RALGAPA2: variants seen among roughly 807,000 people sequenced by gnomAD.
RALGAPA2 encodes the protein Ral GTPase activating protein catalytic subunit alpha 2.
RALGAPA2 carries 139 observed loss-of-function variants against 230.4 expected under a neutral mutation model. The observed-to-expected ratio is 0.60, with a 90% confidence interval of 0.53 to 0.69. The LOEUF (loss-of-function observed/expected upper bound fraction) is 0.69. RALGAPA2 is among the 30% of genes least tolerant of loss of function. RALGAPA2 has a pLI of 0.00. For missense variants in RALGAPA2, 2,163 were observed against 2,276.0 expected (o/e 0.95, Z 1.01); for synonymous variants, 847 against 837.8 (o/e 1.01, Z -0.19).
At chr20:20,614,796 G>C (rs1260202627) in intron 13 of RALGAPA2, among the ~76,000 whole-genome samples, 1 of 152,166 alleles carries the variant, frequency 6.6e-6, no homozygotes, top group African/African-American at 2.4e-5. Context: ...ACCAACTGCA[G>C]ACACTTTCCA....
rs1208034608 is a variant in RALGAPA2 at position 20,649,887 on chromosome 20, T to C, written c.328+3643A>G. Among the ~76,000 whole-genome samples, 5 of 152,218 alleles carry C rather than the reference T, an allele frequency of 3.3e-5. 1 individual carries two copies. Among genetic ancestry groups the C allele is most frequent in the Admixed American group, 3.3e-4 (5 of 15,282 alleles). On this transcript the variant is annotated intron_variant, in intron 4 of 39. Transcript: ENST00000202677. ...CTCACTCTCTATCAGTTCTAATTAT[T>C]GCCCAGAAATGAGATGTCAAGCAGT...
chr20:20,456,947 G>A (rs2061136339), intron 37 of RALGAPA2, among the ~76,000 whole-genome samples: 1 of 152,168 alleles, frequency 6.6e-6, no homozygotes, highest in Middle Eastern at 3.4e-3. Context: ...TGAGGAGCTG[G>A]AACTTGCAAC....
At chr20:20,585,457 A>T (rs1218202923) in intron 18 of RALGAPA2, among the ~76,000 whole-genome samples, 3 of 152,210 alleles carry the variant, frequency 2.0e-5, no homozygotes, top group African/African-American at 7.2e-5. Flanking sequence ...ATTAAAAAAA[A>T]ATCAGGAGGA....
chr20:20,413,302 C>G (rs1225976068), intron 37 of RALGAPA2, among the ~76,000 whole-genome samples: 1 of 152,228 alleles, frequency 6.6e-6, no homozygotes. Flanking sequence ...TTTCAATCAG[C>G]CTTCAAGACA....
At chr20:20,582,361 T>C (rs1004584171) in intron 20 of RALGAPA2, among the ~76,000 whole-genome samples, 20 of 151,984 alleles carry the variant, frequency 1.3e-4, no homozygotes, top group Middle Eastern at 3.2e-3. Context: ...AATAACTAGC[T>C]CAAGGCCACC....
intron 37 of RALGAPA2, among the ~76,000 whole-genome samples, chr20:20,465,652 T>C (rs2061405538): frequency 6.6e-6 from 1 of 152,156 alleles, no homozygotes; most frequent in South Asian, 2.1e-4. Flanking sequence ...AACAGTGAGA[T>C]GTCACTCTAT....
intron 15 of RALGAPA2, among the ~76,000 whole-genome samples, chr20:20,602,641 T>C (rs1394430277): frequency 6.6e-6 from 1 of 152,228 alleles, no homozygotes; most frequent in African/African-American, 2.4e-5. Context: ...AATATTTAAA[T>C]CCTTTTTAGA....
At chr20:20,546,885 C>T in intron 23 of RALGAPA2, 53 bp from the exon 24 acceptor site, 1 of 1,509,310 alleles carries the variant, frequency 6.6e-7, no homozygotes, top group Non-Finnish European at 8.9e-7. Flanking sequence ...CACAAAATTC[C>T]AAAGTAGTGT....
At chr20:20,516,538 C>T (rs1335704586) in intron 31 of RALGAPA2, among the ~76,000 whole-genome samples, 1 of 152,180 alleles carries the variant, frequency 6.6e-6, no homozygotes, top group Non-Finnish European at 1.5e-5. Context: ...AGGTCCTGAG[C>T]CTGTCGAAGT....
In RALGAPA2 at chr20:20,584,965, A is replaced by G; in HGVS notation, c.2440-10T>C. 3 of 1,596,888 alleles carry G rather than the reference A, an allele frequency of 1.9e-6. No homozygotes were observed. Among genetic ancestry groups the G allele is most frequent in the East Asian group, 2.2e-5 (1 of 44,548 alleles). On this transcript the variant is annotated splice_polypyrimidine_tract_variant and intron_variant, in intron 18 of 39. Coordinates refer to ENST00000202677, the MANE Select transcript of RALGAPA2 (RefSeq NM_020343.4). Reference sequence around the variant, plus strand: ...TTCTTCGAACTAAGATCTTCAGACAAAAAGAAATATTGCATTTACTACAGG... The same window carrying G: ...TTCTTCGAACTAAGATCTTCAGACAGAAAGAAATATTGCATTTACTACAGG...
At chr20:20,701,362 T>C (rs1318090498) in intron 1 of RALGAPA2, among the ~76,000 whole-genome samples, 1 of 152,114 alleles carries the variant, frequency 6.6e-6, no homozygotes, top group African/African-American at 2.4e-5. Context: ...CCAACAGAAA[T>C]CAAGATGAAA....
intron 20 of RALGAPA2, among the ~76,000 whole-genome samples, chr20:20,574,868 A>C (rs964801377): frequency 3.9e-5 from 6 of 152,162 alleles, no homozygotes; most frequent in African/African-American, 1.4e-4. Context: ...CACAAAGTTC[A>C]GTCTCTGTTC....
At chr20:20,646,131 T>C (rs2067208727) in intron 4 of RALGAPA2, among the ~76,000 whole-genome samples, 1 of 151,926 alleles carries the variant, frequency 6.6e-6, no homozygotes, top group Non-Finnish European at 1.5e-5. Context: ...CTCAGCTTAC[T>C]GCAACCTCCG....
intron 37 of RALGAPA2, 55 bp downstream of exon 37, chr20:20,472,774 A>T: frequency 6.4e-7 from 1 of 1,554,484 alleles, no homozygotes; most frequent in Non-Finnish European, 8.7e-7. Context: ...AAAAACTGCC[A>T]GGAATCTTGA....
intron 14 of RALGAPA2, among the ~76,000 whole-genome samples, chr20:20,606,451 A>C (rs989258628): frequency 6.6e-6 from 1 of 152,114 alleles, no homozygotes; most frequent in Non-Finnish European, 1.5e-5. Context: ...ATAATAGTAA[A>C]AGGTATTCAA....
Position 20,559,885 on chromosome 20 carries a change from T to C in RALGAPA2, c.3156+11573A>G, listed in dbSNP as rs547121497. On this transcript the variant is annotated intron_variant, in intron 23 of 39. Transcript: ENST00000202677. ...GTACTCTTCAAAAGGGCAAAGGAGA[T>C]TGTAACTGAAAGCATTTTGTAAATT... Among the ~76,000 whole-genome samples, 34 of 152,304 alleles carry C rather than the reference T, an allele frequency of 2.2e-4. No individual in the cohort carries two copies. The South Asian group carries it at 6.2e-3, about 28-fold the overall frequency.
At chr20:20,557,675 A>C (rs921963376) in intron 23 of RALGAPA2, among the ~76,000 whole-genome samples, 1 of 152,210 alleles carries the variant, frequency 6.6e-6, no homozygotes, top group African/African-American at 2.4e-5. Flanking sequence ...CCTGCACCCT[A>C]TGTTACCCCA....
intron 37 of RALGAPA2, among the ~76,000 whole-genome samples, chr20:20,441,542 TCATC>T (rs2060740850): frequency 6.6e-6 from 1 of 152,198 alleles, no homozygotes; most frequent in South Asian, 2.1e-4. Context: ...CAGTCGTCAG[TCATC>T]CTCTGCTTCT....
intron 16 of RALGAPA2, among the ~76,000 whole-genome samples, chr20:20,592,420 T>G (rs2065319221): frequency 1.3e-5 from 2 of 152,086 alleles, no homozygotes; most frequent in African/African-American, 4.8e-5. Flanking sequence ...TCCCCTATGC[T>G]AAACTCACAC....
Sources: allele counts gnomAD v4.1 joint callset (sites outside exome capture counted in the v4.1 genomes callset), GRCh38; gene constraint gnomAD v4.1.1; transcripts MANE v1.5; gene names NCBI Gene and HGNC (gene_info 2026-07-23, HGNC 2026-07-21).